ZNRF1: variants seen among roughly 807,000 people sequenced by gnomAD.
The protein encoded by ZNRF1 is zinc and ring finger 1.
In ZNRF1, 3 loss-of-function variants were observed where a neutral mutation model predicts 18.4. That is an observed-to-expected ratio of 0.16 (90% confidence interval 0.07 to 0.42). ZNRF1 has a LOEUF of 0.42. Ranked by LOEUF, ZNRF1 falls within the 10% of genes least tolerant of loss-of-function variation. The pLI is 0.99. For missense variants in ZNRF1, 310 were observed against 329.8 expected, an observed-to-expected ratio of 0.94 and a Z score of 0.47; for synonymous variants, 157 against 144.2, an observed-to-expected ratio of 1.09 and a Z score of -0.64.
intron 1 of ZNRF1, among the ~76,000 whole-genome samples, chr16:75,020,382 TA>T (rs576255229): frequency 6.6e-6 from 1 of 152,296 alleles, no homozygotes; most frequent in East Asian, 1.9e-4. Flanking sequence ...TTAACCCATT[TA>T]AAAGTATTAT....
chr16:75,048,107 C>T (rs1348587489), intron 1 of ZNRF1, among the ~76,000 whole-genome samples: 2 of 152,084 alleles, frequency 1.3e-5, no homozygotes, highest in African/African-American at 4.8e-5. Context: ...CACGCCGCCA[C>T]GTCTGGCTGA....
chr16:75,003,975 T>G (rs1301229760), intron 1 of ZNRF1, among the ~76,000 whole-genome samples: 1 of 148,946 alleles, frequency 6.7e-6, no homozygotes, highest in East Asian at 1.9e-4. Context: ...TTTTTTTTTC[T>G]TTTGAGACAG....
intron 1 of ZNRF1, among the ~76,000 whole-genome samples, chr16:75,045,468 T>C (rs1023268245): frequency 2.6e-5 from 4 of 152,206 alleles, no homozygotes; most frequent in African/African-American, 7.2e-5. Context: ...CAAATTGTGC[T>C]GGGTGCAATA....
At chr16:75,065,614 T>C (rs72800356) in intron 1 of ZNRF1, among the ~76,000 whole-genome samples, 290 of 152,360 alleles carry the variant, frequency 1.9e-3, no homozygotes, top group Non-Finnish European at 3.4e-3. Flanking sequence ...CTGGTCTCCC[T>C]GCTCTTGGGT....
intron 1 of ZNRF1, among the ~76,000 whole-genome samples, chr16:75,026,841 C>T (rs914557719): frequency 6.6e-5 from 10 of 151,516 alleles, no homozygotes; most frequent in Non-Finnish European, 1.3e-4. Flanking sequence ...GAGGCTGAGG[C>T]ACAAGAATCA....
intron 1 of ZNRF1, among the ~76,000 whole-genome samples, chr16:75,037,930 A>C (rs991846103): frequency 2.6e-5 from 4 of 152,176 alleles, no homozygotes; most frequent in Non-Finnish European, 5.9e-5. Flanking sequence ...TATGATGAGG[A>C]AGTGGATTGG....
At chr16:75,053,930 T>G (rs1239490808) in intron 1 of ZNRF1, among the ~76,000 whole-genome samples, 2 of 152,234 alleles carry the variant, frequency 1.3e-5, no homozygotes, top group South Asian at 2.1e-4. Context: ...AAGTTCTTTG[T>G]TACATATTCC....
chr16:75,057,815 A>T (rs776494775), intron 1 of ZNRF1, among the ~76,000 whole-genome samples: 1 of 152,038 alleles, frequency 6.6e-6, no homozygotes, highest in African/African-American at 2.4e-5. Context: ...TAATTATTGT[A>T]TTTTTAGTAG....
intron 1 of ZNRF1, among the ~76,000 whole-genome samples, chr16:75,073,644 C>T (rs1368370347): frequency 6.6e-6 from 1 of 151,986 alleles, no homozygotes; most frequent in African/African-American, 2.4e-5. Context: ...TTTTTTCTCT[C>T]AGCACTGTTT....
rs1567460726 is a variant in ZNRF1, at chr16:75,000,098, G to GAGTC, written c.424+4_424+7dup. ...CAGGTGGTTCAGCTCGCATAGTGGTGAGTCCGCGGGTGGTGGAGGCCTCGG... is the reference window on the plus strand; with the variant it reads ...CAGGTGGTTCAGCTCGCATAGTGGTGAGTCAGTCCGCGGGTGGTGGAGGCCTCGG... On this transcript the variant is annotated splice_donor_region_variant and intron_variant, in intron 1 of 4. Transcript: ENST00000335325. 6.3e-7 allele frequency: 1 copy of GAGTC among 1,597,526 alleles called. No individual in the cohort carries two copies. The highest frequency in any genetic ancestry group is 1.8e-5 in the Admixed American group (1 of 56,606).
At chr16:75,059,509 G>A (rs1483335179) in intron 1 of ZNRF1, among the ~76,000 whole-genome samples, 1 of 151,948 alleles carries the variant, frequency 6.6e-6, no homozygotes, top group Non-Finnish European at 1.5e-5. Context: ...TTCAGATAAA[G>A]CATGAGAAAT....
intron 1 of ZNRF1, among the ~76,000 whole-genome samples, chr16:75,018,287 G>T (rs2035097549): frequency 6.6e-6 from 1 of 152,090 alleles, no homozygotes; most frequent in Admixed American, 6.6e-5. Flanking sequence ...ATTGTTTCGG[G>T]TTTCTTGTTA....
At chr16:75,002,836 A>G (rs950006823) in intron 1 of ZNRF1, among the ~76,000 whole-genome samples, 4 of 152,172 alleles carry the variant, frequency 2.6e-5, no homozygotes, top group African/African-American at 9.7e-5. Context: ...CCCTAATCCT[A>G]GAGTGCTTTT....
intron 1 of ZNRF1, among the ~76,000 whole-genome samples, chr16:75,038,645 G>T (rs73614023): frequency 0.01 from 1,580 of 152,320 alleles, 33 homozygotes; most frequent in African/African-American, 0.036. Context: ...TCCTTGGGGA[G>T]CTTGAGCCCC....
At chr16:75,061,341 C>G (rs1240483522) in intron 1 of ZNRF1, among the ~76,000 whole-genome samples, 2 of 152,124 alleles carry the variant, frequency 1.3e-5, no homozygotes, top group African/African-American at 4.8e-5. Context: ...ATCCTTCTAC[C>G]CTCTGTGTCC....
chr16:75,020,162 G>A (rs1465244157), intron 1 of ZNRF1, among the ~76,000 whole-genome samples: 3 of 152,184 alleles, frequency 2.0e-5, no homozygotes, highest in Non-Finnish European at 4.4e-5. Context: ...ATTGTAGAGA[G>A]CATCTTTATC....
In ZNRF1 at chr16:74,999,701, CTCCCGGGGCCCCT is replaced by C; in HGVS notation, c.39_51del (p.Pro14SerfsTer145). On this transcript the variant is annotated frameshift_variant, in exon 1 of 5. Transcript: ENST00000335325. LOFTEE classifies it high-confidence loss of function. ...GGGGCAAGCAGAGCACGGCGGCCCG[CTCCCGGGGCCCCT>C]TCCCGGGGGTCTCCACCGATGACAG... 7.3e-7 allele frequency: 1 copy of C among 1,361,840 alleles called. No homozygotes were observed. The highest frequency in any genetic ancestry group is 9.4e-7 in the Non-Finnish European group (1 of 1,063,572). 84.4% of individuals were successfully genotyped at this position (1,361,840 alleles called of 1,614,324 possible). A position where few individuals can be genotyped will look rare whatever the true frequency, so the allele number is the denominator to read the frequency against.
In ZNRF1 at chr16:75,012,261, T is replaced by A. The variant is rs369947234; in HGVS notation, c.424+12166T>A. Among the ~76,000 whole-genome samples the A allele has an allele frequency of 3.3e-5, 5 of 152,304 alleles. No homozygotes were observed. In the South Asian group the frequency reaches 1.0e-3, roughly 32 times the overall value. On this transcript the variant is annotated intron_variant, in intron 1 of 4. Coordinates refer to ENST00000335325, the MANE Select transcript of ZNRF1 (RefSeq NM_032268.5). ...GTAGCATGACCAGTGAGACTGGAGT[T>A]TCAATTAAAACACCGTTGTAGTGTA...
At chr16:75,104,530 C>G (rs1322136928) in intron 2 of ZNRF1, 1 of 329,368 alleles carries the variant, frequency 3.0e-6, no homozygotes, top group Admixed American at 4.7e-5. Context: ...TCCGCTGTCA[C>G]CTAGGCTTTT....
Sources: gnomAD v4.1 joint callset for allele counts (sites outside exome capture counted in the v4.1 genomes callset) on GRCh38, gnomAD v4.1.1 for gene constraint, MANE v1.5 for transcripts, NCBI Gene and HGNC (gene_info 2026-07-23, HGNC 2026-07-21) for gene names.